The following IL1RAPL2 variants were observed in gnomAD, a reference collection of about 807,000 sequenced individuals.
IL1RAPL2 encodes the protein interleukin 1 receptor accessory protein like 2.
IL1RAPL2 carries 3 observed loss-of-function variants against 44.1 expected under a neutral mutation model. That is an observed-to-expected ratio of 0.07 (90% CI 0.03 to 0.18). IL1RAPL2 has a LOEUF of 0.18. Ranked by LOEUF, IL1RAPL2 falls within the 10% of genes least tolerant of loss-of-function variation. The pLI is 1.00. For missense variants in IL1RAPL2, 391 were observed against 496.4 expected (o/e 0.79, Z 2.02); for synonymous variants, 181 against 178.8 (o/e 1.01, Z -0.10).
chrX:105,186,630 G>A (rs1234795730), intron 2 of IL1RAPL2, among the ~76,000 whole-genome samples: 2 of 111,748 alleles, frequency 1.8e-5, no homozygotes, highest in Non-Finnish European at 3.8e-5. Context: ...TGACTATTCA[G>A]CATGGAATCA....
intron 6 of IL1RAPL2, among the ~76,000 whole-genome samples, chrX:105,491,567 A>G (rs1399411052): frequency 8.9e-6 from 1 of 112,075 alleles, no homozygotes; most frequent in African/African-American, 3.2e-5. Context: ...TTTTCTTGGC[A>G]CACGTAATGG....
At position 105,250,496 on chromosome X, in the gene IL1RAPL2, G is replaced by A. The variant is rs139266724; in HGVS notation, c.543+16492G>A. ...CTTGATGTGAGAGTTTGGAGGGTAT[G>A]TGGAAACCCTGTACTTTCTGCACAA... On this transcript the variant is annotated intron_variant, in intron 4 of 10. Coordinates refer to ENST00000372582, the MANE Select transcript of IL1RAPL2 (RefSeq NM_017416.2). 5.4e-4 allele frequency among the ~76,000 whole-genome samples: 60 copies of A among 110,502 alleles called. No individual in the cohort carries two copies. The South Asian group carries it at 8.7e-3, about 16-fold the overall frequency.
intron 5 of IL1RAPL2, among the ~76,000 whole-genome samples, chrX:105,382,065 A>G (rs1291534301): frequency 1.8e-5 from 2 of 111,672 alleles, no homozygotes; most frequent in African/African-American, 6.5e-5. Flanking sequence ...ATGGGCAAGG[A>G]CTTCATGTCT....
At chrX:105,524,505 C>T (rs1370336727) in intron 6 of IL1RAPL2, among the ~76,000 whole-genome samples, 1 of 109,168 alleles carries the variant, frequency 9.2e-6, no homozygotes, top group East Asian at 2.9e-4. Flanking sequence ...CTACTTAAAA[C>T]ACATCATTTT....
At chrX:105,524,149 A>G (rs1365996783) in intron 6 of IL1RAPL2, among the ~76,000 whole-genome samples, 1 of 111,605 alleles carries the variant, frequency 9.0e-6, no homozygotes, top group East Asian at 2.8e-4. Context: ...AGGAAAGGAG[A>G]TATAGGTAGG....
chrX:105,186,122 G>A (rs1422137690), intron 2 of IL1RAPL2, among the ~76,000 whole-genome samples: 1 of 111,373 alleles, frequency 9.0e-6, no homozygotes, highest in Non-Finnish European at 1.9e-5. Context: ...TTTATATCAA[G>A]GTCTTGAGCA....
intron 2 of IL1RAPL2, among the ~76,000 whole-genome samples, chrX:104,840,636 A>G (rs1294181304): frequency 9.2e-6 from 1 of 109,005 alleles, no homozygotes; most frequent in Admixed American, 9.8e-5. Flanking sequence ...TATCTGTCTC[A>G]TTGATCTAAT....
intron 2 of IL1RAPL2, among the ~76,000 whole-genome samples, chrX:105,120,167 C>A (rs1336815846): frequency 3.7e-5 from 4 of 107,174 alleles, no homozygotes; most frequent in Non-Finnish European, 3.8e-5. Context: ...AAGATAGCTT[C>A]TTTGTGAAGA....
At chrX:105,074,406 T>C (rs1333360135) in intron 2 of IL1RAPL2, among the ~76,000 whole-genome samples, 2 of 111,726 alleles carry the variant, frequency 1.8e-5, no homozygotes, top group African/African-American at 6.5e-5. Flanking sequence ...TCTATATCTC[T>C]GTTTTGGTAC....
chrX:105,073,576 T>G (rs1391611816), intron 2 of IL1RAPL2, among the ~76,000 whole-genome samples: 4 of 111,101 alleles, frequency 3.6e-5, no homozygotes, highest in Non-Finnish European at 7.5e-5. Flanking sequence ...GGGCTGGCTG[T>G]GTCAAATGGT....
intron 5 of IL1RAPL2, among the ~76,000 whole-genome samples, chrX:105,298,853 C>T (rs987458396): frequency 2.7e-5 from 3 of 111,400 alleles, no homozygotes; most frequent in Non-Finnish European, 5.6e-5. Flanking sequence ...GTGATCAACT[C>T]TAGCAAATGC....
chrX:105,227,819 T>C (rs782478887), intron 3 of IL1RAPL2, among the ~76,000 whole-genome samples: 8 of 112,466 alleles, frequency 7.1e-5, no homozygotes, highest in African/African-American at 2.2e-4. Flanking sequence ...CTTTCTTTTC[T>C]TTTTTAATAT....
chrX:104,799,129 C>G (rs1310649294), intron 2 of IL1RAPL2, among the ~76,000 whole-genome samples: 3 of 110,894 alleles, frequency 2.7e-5, no homozygotes, highest in African/African-American at 9.8e-5. Context: ...TTAAGTTACT[C>G]GCCTAAGATT....
At chrX:104,576,446 A>G (rs748399972) in intron 1 of IL1RAPL2, among the ~76,000 whole-genome samples, 1 of 111,541 alleles carries the variant, frequency 9.0e-6, no homozygotes, top group Admixed American at 9.5e-5. Context: ...AGCCCTCTCA[A>G]CTCTTCAATT....
intron 1 of IL1RAPL2, among the ~76,000 whole-genome samples, chrX:104,574,315 A>T (rs909491625): frequency 9.0e-6 from 1 of 111,717 alleles, no homozygotes; most frequent in Non-Finnish European, 1.9e-5. Flanking sequence ...GGGAAAATTC[A>T]TGAATAGAAT....
At chrX:104,977,278 G>A in intron 2 of IL1RAPL2, among the ~76,000 whole-genome samples, 1 of 112,100 alleles carries the variant, frequency 8.9e-6, no homozygotes, top group East Asian at 2.8e-4. Context: ...ACTGGTAGGA[G>A]CAGCAGGTCC....
chrX:104,582,650 TTC>T (rs1326559487), intron 1 of IL1RAPL2, among the ~76,000 whole-genome samples: 3 of 88,358 alleles, frequency 3.4e-5, no homozygotes, highest in South Asian at 1.1e-3. Context: ...CTCTCTTTCT[TTC>T]TTTCTTTTTT....
intron 6 of IL1RAPL2, 88 bp from the exon 7 acceptor site, chrX:105,717,279 A>C (rs1423512198): frequency 1.4e-5 from 12 of 867,338 alleles, no homozygotes; most frequent in Non-Finnish European, 1.8e-5. Flanking sequence ...GTCACCTCTG[A>C]GTTTTCCTTT....
Position 104,649,674 on chromosome X carries a change from A to G in IL1RAPL2, c.-19-9221A>G, listed in dbSNP as rs982650116. On this transcript the variant is annotated intron_variant, in intron 1 of 10. Transcript: ENST00000372582. ...GATATCAAAATTTTCTTTGATTGCA[A>G]AAATGTAACAAGAAATGATTATAAT... Among the ~76,000 whole-genome samples, 10 of 111,641 alleles carry G rather than the reference A, an allele frequency of 9.0e-5. No homozygotes were observed. In the East Asian group the frequency reaches 1.1e-3, roughly 13 times the overall value.
Sources: gnomAD v4.1 joint callset for allele counts (sites outside exome capture counted in the v4.1 genomes callset) on GRCh38, gnomAD v4.1.1 for gene constraint, MANE v1.5 for transcripts, NCBI Gene and HGNC (gene_info 2026-07-23, HGNC 2026-07-21) for gene names.